The following RBPJ variants were observed in gnomAD, a reference collection of about 807,000 sequenced individuals.
The protein encoded by RBPJ is recombination signal binding protein for immunoglobulin kappa J region, also known as recombining binding protein suppressor of hairless.
A neutral mutation model predicts 67.8 loss-of-function variants in RBPJ; 9 were observed. That is an observed-to-expected ratio of 0.13 (90% CI 0.08 to 0.23). RBPJ has a LOEUF of 0.23. RBPJ is among the 10% of genes least tolerant of loss of function. The pLI is 1.00. For synonymous variants in RBPJ, 198 were observed against 203.3 expected, an observed-to-expected ratio of 0.97 and a Z score of 0.22; for missense variants, 305 against 595.6, an observed-to-expected ratio of 0.51 and a Z score of 5.08.
intron 3 of RBPJ, among the ~76,000 whole-genome samples, chr4:26,412,424 G>A (rs1734129461): frequency 6.6e-6 from 1 of 152,080 alleles, no homozygotes; most frequent in African/African-American, 2.4e-5. Flanking sequence ...TAGAGACAGT[G>A]TTTTGCTATG....
At chr4:26,300,005 A>G (rs1329253472) in intron 1 of RBPJ, among the ~76,000 whole-genome samples, 1 of 152,156 alleles carries the variant, frequency 6.6e-6, no homozygotes, top group Non-Finnish European at 1.5e-5. Flanking sequence ...TTTCAACACA[A>G]ACCTCTTAAT....
intron 1 of RBPJ, among the ~76,000 whole-genome samples, chr4:26,274,683 C>T (rs1721020747): frequency 6.6e-6 from 1 of 152,080 alleles, no homozygotes; most frequent in Non-Finnish European, 1.5e-5. Flanking sequence ...CACCTGTAAT[C>T]CCAGCTCTTC....
At chr4:26,213,667 C>A (rs1718517657) in intron 1 of RBPJ, among the ~76,000 whole-genome samples, 1 of 152,116 alleles carries the variant, frequency 6.6e-6, no homozygotes, top group Admixed American at 6.5e-5. Context: ...CTTCTAACTG[C>A]AATGAAAAGC....
intron 1 of RBPJ, among the ~76,000 whole-genome samples, chr4:26,360,728 C>T (rs773316333): frequency 1.7e-4 from 25 of 151,146 alleles, no homozygotes; most frequent in Admixed American, 1.6e-3. Flanking sequence ...ACTACAGGTG[C>T]GCGTCACTAT....
intron 1 of RBPJ, among the ~76,000 whole-genome samples, chr4:26,193,117 G>A (rs1171830576): frequency 2.6e-5 from 4 of 152,200 alleles, no homozygotes; most frequent in South Asian, 2.1e-4. Context: ...CCCTGCTGAC[G>A]TGGCACTTTT....
intron 1 of RBPJ, among the ~76,000 whole-genome samples, chr4:26,363,159 A>T (rs1424669246): frequency 1.3e-5 from 2 of 152,156 alleles, no homozygotes; most frequent in East Asian, 3.8e-4. Context: ...TTTCTTTTTG[A>T]GATGGAGTCT....
chr4:26,373,193 C>T (rs1160100833), intron 1 of RBPJ, among the ~76,000 whole-genome samples: 2 of 152,172 alleles, frequency 1.3e-5, no homozygotes, highest in African/African-American at 4.8e-5. Flanking sequence ...ATCTCTTCTC[C>T]CCCATTCTGA....
chr4:26,421,576 T>A (rs527890833), intron 5 of RBPJ, among the ~76,000 whole-genome samples: 6 of 152,300 alleles, frequency 3.9e-5, no homozygotes, highest in Admixed American at 1.3e-4. Flanking sequence ...GTGTTGGGAT[T>A]GCAGGCGTGA....
chr4:26,335,381 C>T (rs1438473287), intron 1 of RBPJ, among the ~76,000 whole-genome samples: 1 of 151,958 alleles, frequency 6.6e-6, no homozygotes, highest in East Asian at 2.0e-4. Flanking sequence ...AGGGTTTCAC[C>T]ATGTTGGCCA....
the RBPJ span, chr4:26,112,992 G>T: frequency 6.5e-6 from 1 of 154,302 alleles, no homozygotes; most frequent in Non-Finnish European, 1.4e-5. Context: ...GGCCTCAAGT[G>T]ATCCACCCAC....
rs1460528149 is a variant in RBPJ at position 26,264,422 on chromosome 4, C to T, written c.-166-98024C>T. Among the ~76,000 whole-genome samples, 1 of 152,152 alleles carries T rather than the reference C, an allele frequency of 6.6e-6. No individual in the cohort carries two copies. The highest frequency in any genetic ancestry group is 2.4e-5 in the African/African-American group (1 of 41,430). ...ACCTCCCTATCTCTCTTCTTTGCCT[C>T]CTACATATTGTAGCCATAGTGATCT... On this transcript the variant is annotated intron_variant, in intron 1 of 4. Coordinates refer to the RBPJ transcript ENST00000512351. This position sits in a 1 kb window ranked among gnomAD's most constrained non-coding sequence, Gnocchi z 4.1.
intron 1 of RBPJ, among the ~76,000 whole-genome samples, chr4:26,356,178 G>T (rs1348799388): frequency 6.6e-6 from 1 of 152,166 alleles, no homozygotes; most frequent in Non-Finnish European, 1.5e-5. Context: ...TAAGAATGTG[G>T]CTATTTTCTC....
At chr4:26,154,447 A>C in the RBPJ span, among the ~76,000 whole-genome samples, 1 of 152,038 alleles carries the variant, frequency 6.6e-6, no homozygotes, top group African/African-American at 2.4e-5. Flanking sequence ...CACCGTGTGG[A>C]CTCACCTGCT....
At chr4:26,282,134 CTCTTTTTTTT>C (rs1721295400) in intron 1 of RBPJ, among the ~76,000 whole-genome samples, 1 of 126,592 alleles carries the variant, frequency 7.9e-6, no homozygotes, top group Non-Finnish European at 1.6e-5. Flanking sequence ...CTCTCTCTCT[CTCTTTTTTTT>C]TTTTTTTTTT....
chr4:26,379,420 G>A (rs548987702), intron 1 of RBPJ, among the ~76,000 whole-genome samples: 1 of 152,144 alleles, frequency 6.6e-6, no homozygotes, highest in African/African-American at 2.4e-5. Flanking sequence ...AAAGAAAAGA[G>A]GTTTAATTGC....
the RBPJ span, among the ~76,000 whole-genome samples, chr4:26,122,944 A>T: frequency 6.6e-6 from 1 of 152,224 alleles, no homozygotes; most frequent in African/African-American, 2.4e-5. Context: ...TCCTCATTAG[A>T]ATTAGCTGCT....
chr4:26,165,454 A>T (rs1716237209), intron 1 of RBPJ, among the ~76,000 whole-genome samples: 1 of 152,198 alleles, frequency 6.6e-6, no homozygotes, highest in African/African-American at 2.4e-5. Flanking sequence ...ATTTCCATGA[A>T]TGAATTATGC....
At chr4:26,372,465 A>G (rs760585679) in intron 1 of RBPJ, among the ~76,000 whole-genome samples, 3 of 152,234 alleles carry the variant, frequency 2.0e-5, no homozygotes, top group Non-Finnish European at 4.4e-5. Flanking sequence ...CTAGACAGTT[A>G]ACTAGTAAAT....
chr4:26,164,757 A>T (rs907853912), intron 1 of RBPJ, among the ~76,000 whole-genome samples: 3 of 152,206 alleles, frequency 2.0e-5, no homozygotes, highest in Non-Finnish European at 4.4e-5. Flanking sequence ...AAAAAGAGTT[A>T]AAAATGTGTT....
Sources: allele counts gnomAD v4.1 joint callset (sites outside exome capture counted in the v4.1 genomes callset), GRCh38; gene constraint gnomAD v4.1.1; non-coding constraint Gnocchi (gnomAD v3.1); transcripts MANE v1.5; gene names NCBI Gene and HGNC (gene_info 2026-07-23, HGNC 2026-07-21).